Variants in DPP10 observed in about 807,000 individuals in gnomAD.
The protein encoded by DPP10 is inactive dipeptidyl peptidase 10.
Under a neutral mutation model 120.9 loss-of-function variants are expected in DPP10, and 33 were observed. The ratio of observed to expected loss-of-function variants is 0.27; its 90% CI spans 0.21 to 0.37. The LOEUF is 0.37. Among genes scored for constraint, DPP10 ranks in the 10% least tolerant of loss-of-function variants. The probability of loss-of-function intolerance (pLI) is 1.00; values close to 1 mark genes in which losing one functional copy is unlikely to be tolerated. For missense variants in DPP10, 816 were observed against 942.8 expected (o/e 0.87, Z 1.76); for synonymous variants, 337 against 326.1 (o/e 1.03, Z -0.36).
intron 3 of DPP10, among the ~76,000 whole-genome samples, chr2:115,388,948 G>C (rs1471814930): frequency 6.6e-6 from 1 of 152,068 alleles, no homozygotes; most frequent in African/African-American, 2.4e-5. Context: ...GGTTAAGCTT[G>C]GTTCAAGAGC....
intron 4 of DPP10, among the ~76,000 whole-genome samples, chr2:115,502,664 T>C (rs2076742093): frequency 6.6e-6 from 1 of 152,108 alleles, no homozygotes; most frequent in Non-Finnish European, 1.5e-5. Flanking sequence ...CCCATGTGCT[T>C]AAGTATAGTT....
chr2:115,094,000 G>A (rs895497305), intron 1 of DPP10, among the ~76,000 whole-genome samples: 2 of 152,036 alleles, frequency 1.3e-5, no homozygotes, highest in African/African-American at 4.8e-5. Context: ...TTAATGTCAT[G>A]TATATCACAG....
chr2:115,579,592 T>G (rs1481582799), intron 5 of DPP10: 1 of 152,216 alleles, frequency 6.6e-6, no homozygotes, highest in Non-Finnish European at 1.5e-5. Flanking sequence ...AATTTGCTCC[T>G]ATGTTTTTTA....
chr2:114,788,078 A>G (rs559113088), intron 1 of DPP10, among the ~76,000 whole-genome samples: 1 of 152,236 alleles, frequency 6.6e-6, no homozygotes, highest in Non-Finnish European at 1.5e-5. Context: ...AAAGCCCTCC[A>G]TATGTGTTTT....
chr2:115,301,209 C>G (rs2061114636), intron 1 of DPP10, among the ~76,000 whole-genome samples: 1 of 152,046 alleles, frequency 6.6e-6, no homozygotes, highest in African/African-American at 2.4e-5. Flanking sequence ...CTGTACTACT[C>G]TTGCCTTAAC....
intron 1 of DPP10, among the ~76,000 whole-genome samples, chr2:115,015,822 A>G (rs1382706065): frequency 6.6e-6 from 1 of 152,226 alleles, no homozygotes; most frequent in African/African-American, 2.4e-5. Flanking sequence ...AAAGAAAACT[A>G]CAAACCATTG....
At chr2:115,111,254 T>A (rs1009619584) in intron 1 of DPP10, among the ~76,000 whole-genome samples, 6 of 151,776 alleles carry the variant, frequency 4.0e-5, no homozygotes, top group Non-Finnish European at 4.4e-5. Context: ...TTTTTTTTTT[T>A]AAATTACGTT....
At chr2:114,584,029 A>G (rs1036774283) in intron 1 of DPP10, among the ~76,000 whole-genome samples, 1 of 152,182 alleles carries the variant, frequency 6.6e-6, no homozygotes, top group Non-Finnish European at 1.5e-5. Flanking sequence ...ATATTTTTTT[A>G]AAAAAGAACA....
chr2:115,268,257 T>C (rs2059543368), intron 1 of DPP10, among the ~76,000 whole-genome samples: 1 of 152,074 alleles, frequency 6.6e-6, no homozygotes, highest in South Asian at 2.1e-4. Flanking sequence ...AGGTGGGCAG[T>C]AATAGCTGCA....
chr2:114,485,965 A>T (rs944782774), intron 1 of DPP10, among the ~76,000 whole-genome samples: 7 of 152,174 alleles, frequency 4.6e-5, no homozygotes, highest in African/African-American at 1.7e-4. Flanking sequence ...ACCCACACAC[A>T]TGTAGTTAAA....
At chr2:115,399,852 T>C (rs935534972) in intron 3 of DPP10, among the ~76,000 whole-genome samples, 3 of 148,148 alleles carry the variant, frequency 2.0e-5, no homozygotes, top group Non-Finnish European at 4.5e-5. Flanking sequence ...GCTTGTACTT[T>C]CTTTGCTGTA....
At chr2:115,657,731 A>G (rs2088516200) in intron 5 of DPP10, among the ~76,000 whole-genome samples, 1 of 152,020 alleles carries the variant, frequency 6.6e-6, no homozygotes, top group South Asian at 2.1e-4. Context: ...TTTTAAAAAT[A>G]AAAATGATAG....
chr2:115,780,264 T>TC (rs1351305165), intron 15 of DPP10, among the ~76,000 whole-genome samples: 1 of 151,964 alleles, frequency 6.6e-6, no homozygotes, highest in Non-Finnish European at 1.5e-5. Flanking sequence ...TGATGACTCT[T>TC]CTTTTTACCA....
At chr2:115,359,818 T>C (rs1380532780) in intron 3 of DPP10, among the ~76,000 whole-genome samples, 1 of 152,176 alleles carries the variant, frequency 6.6e-6, no homozygotes, top group Non-Finnish European at 1.5e-5. Context: ...TAAAATTTTT[T>C]TTAATTTATA....
chr2:115,037,566 C>T (rs1173943798), intron 1 of DPP10, among the ~76,000 whole-genome samples: 2 of 152,148 alleles, frequency 1.3e-5, no homozygotes, highest in Non-Finnish European at 2.9e-5. Flanking sequence ...AAGCATGTTC[C>T]TTAGAGCAAC....
intron 1 of DPP10, among the ~76,000 whole-genome samples, chr2:114,446,709 T>C (rs1304623781): frequency 6.6e-6 from 1 of 152,160 alleles, no homozygotes; most frequent in Non-Finnish European, 1.5e-5. Flanking sequence ...TCGGAGTACA[T>C]CTTGAGCTGG....
chr2:115,087,098 TC>T (rs1293767808), intron 1 of DPP10, among the ~76,000 whole-genome samples: 1 of 152,228 alleles, frequency 6.6e-6, no homozygotes, highest in Non-Finnish European at 1.5e-5. Flanking sequence ...TCGAGCGTAT[TC>T]TTTAATGTGT....
intron 1 of DPP10, among the ~76,000 whole-genome samples, chr2:114,590,284 C>A (rs1324850832): frequency 6.6e-6 from 1 of 151,984 alleles, no homozygotes; most frequent in African/African-American, 2.4e-5. Flanking sequence ...TGAGTGTAGT[C>A]TAAAAATGAA....
intron 1 of DPP10, among the ~76,000 whole-genome samples, chr2:114,519,724 A>C (rs1254051357): frequency 6.6e-6 from 1 of 152,212 alleles, no homozygotes; most frequent in Non-Finnish European, 1.5e-5. Flanking sequence ...CATAGCATGG[A>C]GCATCATCCA....
Sources: gnomAD v4.1 joint callset for allele counts (sites outside exome capture counted in the v4.1 genomes callset) on GRCh38, gnomAD v4.1.1 for gene constraint, MANE v1.5 for transcripts, NCBI Gene and HGNC (gene_info 2026-07-23, HGNC 2026-07-21) for gene names.